KAT7: variants seen among roughly 807,000 people sequenced by gnomAD.
KAT7 encodes lysine acetyltransferase 7, also known as histone acetyltransferase KAT7.
A neutral mutation model predicts 82.1 loss-of-function variants in KAT7; 10 were observed. The ratio of observed to expected loss-of-function variants is 0.12; its 90% CI spans 0.08 to 0.21. KAT7 has a LOEUF of 0.21. Ranked by LOEUF, KAT7 falls within the 10% of genes least tolerant of loss-of-function variation. The probability of loss-of-function intolerance (pLI) is 1.00; values close to 1 mark genes in which losing one functional copy is unlikely to be tolerated. For missense variants in KAT7, 378 were observed against 760.9 expected, an observed-to-expected ratio of 0.50 and a Z score of 5.92; for synonymous variants, 250 against 262.5, an observed-to-expected ratio of 0.95 and a Z score of 0.46.
intron 4 of KAT7, among the ~76,000 whole-genome samples, chr17:49,799,300 T>C (rs1255255742): frequency 6.6e-6 from 1 of 152,180 alleles, no homozygotes; most frequent in Non-Finnish European, 1.5e-5. Context: ...CCTTTGCATG[T>C]GGCTATCAAG....
chr17:49,816,170 G>A (rs1411503026), intron 8 of KAT7, among the ~76,000 whole-genome samples: 3 of 152,140 alleles, frequency 2.0e-5, no homozygotes, highest in South Asian at 2.1e-4. Context: ...TAGAGCTGAT[G>A]AGGCTGGATA....
intron 4 of KAT7, among the ~76,000 whole-genome samples, chr17:49,803,751 C>A (rs1005836038): frequency 6.6e-6 from 1 of 152,192 alleles, no homozygotes; most frequent in Admixed American, 6.5e-5. Context: ...TAATACAGTC[C>A]CGGAGAAATG....
rs146789324 is a variant in KAT7 at position 49,827,558 on chromosome 17, GA to G, written c.*57del. 2.4e-4 allele frequency: 242 copies of G among 990,112 alleles called. 1 individual carries two copies. The highest frequency in any genetic ancestry group is 2.7e-4 in the Non-Finnish European group (165 of 618,190). 61.3% of individuals were successfully genotyped at this position (990,112 alleles called of 1,614,324 possible). A position where few individuals can be genotyped will look rare whatever the true frequency, so the allele number is the denominator to read the frequency against. On this transcript the variant is annotated 3_prime_UTR_variant, in exon 15 of 15. Transcript: ENST00000259021. ...CAGCAGTAGGAATCCGTACCCTAGG[GA>G]TCTGTCTGTCATTTCTCTGTTGCTC...
chr17:49,802,000 C>T (rs2143883393), intron 4 of KAT7, among the ~76,000 whole-genome samples: 1 of 152,286 alleles, frequency 6.6e-6, no homozygotes, highest in South Asian at 2.1e-4. Flanking sequence ...CGTATATGTA[C>T]ACATATTTCC....
chr17:49,827,737 G>A lies in KAT7; in HGVS notation c.*235G>A. The A allele has an allele frequency of 1.8e-6, 1 of 549,360 alleles. No individual in the cohort carries two copies. The highest frequency in any genetic ancestry group is 3.3e-6 in the Non-Finnish European group (1 of 307,316). 34.0% of individuals were successfully genotyped at this position (549,360 alleles called of 1,614,324 possible). A position where few individuals can be genotyped will look rare whatever the true frequency, so the allele number is the denominator to read the frequency against. The stretch of plus-strand genomic sequence containing the variant: ...TGGATGGGATCTGTATTAGACTTGA[G>A]TGCAGGTCTCTCAGCACTGACCCAA... On this transcript the variant is annotated 3_prime_UTR_variant, in exon 15 of 15. Transcript: ENST00000259021.
chr17:49,803,525 C>T (rs903714723), intron 4 of KAT7, among the ~76,000 whole-genome samples: 1 of 152,058 alleles, frequency 6.6e-6, no homozygotes, highest in South Asian at 2.1e-4. Context: ...CCCGGGTTCA[C>T]ACCATTCTCC....
chr17:49,817,693 C>T, intron 8 of KAT7, 127 bp from the exon 9 acceptor site: 1 of 668,792 alleles, frequency 1.5e-6, no homozygotes. Flanking sequence ...TCTCGAACTC[C>T]TGGCCTTAAG....
At chr17:49,808,996 G>C in intron 5 of KAT7, 123 bp from the exon 6 acceptor site, 1 of 679,908 alleles carries the variant, frequency 1.5e-6, no homozygotes, top group Admixed American at 2.6e-5. Context: ...GTGACAATAA[G>C]TGTGAAGACC....
chr17:49,792,276 C>T (rs760134297), intron 2 of KAT7, among the ~76,000 whole-genome samples: 3 of 152,086 alleles, frequency 2.0e-5, no homozygotes, highest in Non-Finnish European at 4.4e-5. Flanking sequence ...TAGAGACACA[C>T]GTATGTCTTG....
Position 49,791,823 on chromosome 17 carries a change from A to G in KAT7, c.16-63A>G, listed in dbSNP as rs571110886. On this transcript the variant is annotated intron_variant, in intron 1 of 14. Transcript: ENST00000259021. ...AGTGTCACAGCTTGTTTTATTTTCA[A>G]TGTTAATGCAAACTCTCAGACCAAA... is the stretch of plus-strand genomic sequence containing the variant. The G allele has an allele frequency of 4.5e-5, 68 of 1,521,566 alleles. 1 individual carries two copies. In the Middle Eastern group the frequency reaches 1.6e-3, roughly 37 times the overall value. The allele number at this position is 1,521,566 out of a possible 1,614,324, so 94.3% of individuals were successfully genotyped here.
intron 2 of KAT7, chr17:49,795,606 T>C (rs1337590209): frequency 1.2e-5 from 3 of 242,864 alleles, no homozygotes; most frequent in Admixed American, 4.1e-5. Context: ...TACCGAGTGC[T>C]AACATGGATG....
chr17:49,798,285 C>T (rs1352565709), intron 3 of KAT7, 34 bp from the exon 4 acceptor site: 4 of 1,599,520 alleles, frequency 2.5e-6, no homozygotes, highest in Non-Finnish European at 3.4e-6. Context: ...AAATGAACTC[C>T]ACTCATAACT....
At chr17:49,796,097 T>C (rs1028111795) in intron 2 of KAT7, among the ~76,000 whole-genome samples, 1 of 152,212 alleles carries the variant, frequency 6.6e-6, no homozygotes, top group African/African-American at 2.4e-5. Flanking sequence ...ATAAAAGGGC[T>C]GCTGAGTGCC....
rs2074439501 is a variant in KAT7 at position 49,833,382 on chromosome 17, T to C, written c.*5880T>C. On this transcript the variant is annotated 3_prime_UTR_variant, in exon 15 of 15. Transcript: ENST00000259021. Reference sequence around the variant, plus strand: ...AAGTTATCAGAAACCTACACTCTTATCTCACAAATTTAGAGGTGTGGTAGA... The same window carrying C: ...AAGTTATCAGAAACCTACACTCTTACCTCACAAATTTAGAGGTGTGGTAGA... The C allele has an allele frequency of 1.3e-5, 2 of 152,228 alleles. No individual in the cohort carries two copies. Among genetic ancestry groups the C allele is most frequent in the African/African-American group, 2.4e-5 (1 of 41,464 alleles). 9.4% of individuals were successfully genotyped at this position (152,228 alleles called of 1,614,324 possible). A position where few individuals can be genotyped will look rare whatever the true frequency, so the allele number is the denominator to read the frequency against.
rs2074432955 is a variant in KAT7, at chr17:49,832,554, G to A, written c.*5052G>A. The A allele has an allele frequency of 6.6e-6, 1 of 152,190 alleles. No homozygotes were observed. Among genetic ancestry groups the A allele is most frequent in the South Asian group, 2.1e-4 (1 of 4,830 alleles). 9.4% of individuals were successfully genotyped at this position (152,190 alleles called of 1,614,324 possible). ...CCGTTGAAGTCCATTCTTGGACATG[G>A]AGTTAAGAAACCCTGGTTTGAGAAA... On this transcript the variant is annotated 3_prime_UTR_variant, in exon 15 of 15. Transcript: ENST00000259021.
rs896093981 is a variant in KAT7, at chr17:49,788,706, C to T, written c.-129C>T. The T allele has an allele frequency of 7.1e-6, 7 of 992,854 alleles. No homozygotes were observed. In the African/African-American group the frequency reaches 8.5e-5, roughly 12 times the overall value. The allele number at this position is 992,854 out of a possible 1,614,324, so 61.5% of individuals were successfully genotyped here. A position where few individuals can be genotyped will look rare whatever the true frequency, so the allele number is the denominator to read the frequency against. ...GCAGAACGCTCCAGACGCTGAGAGG[C>T]AGGAGGCACTAGGGATCGTCCGCAG... On this transcript the variant is annotated 5_prime_UTR_variant, in exon 1 of 15. Coordinates refer to ENST00000259021, the MANE Select transcript of KAT7 (RefSeq NM_007067.5).
intron 1 of KAT7, among the ~76,000 whole-genome samples, chr17:49,791,522 G>A (rs1287234794): frequency 6.6e-6 from 1 of 152,176 alleles, no homozygotes; most frequent in African/African-American, 2.4e-5. Context: ...GCTGGGCATG[G>A]TGGCGGGCGC....
intron 8 of KAT7, among the ~76,000 whole-genome samples, chr17:49,817,446 G>T (rs2074247902): frequency 6.6e-6 from 1 of 152,052 alleles, no homozygotes; most frequent in Non-Finnish European, 1.5e-5. Flanking sequence ...TAGCGTGGTG[G>T]CATGCACACA....
chr17:49,790,422 C>T (rs2143829044), intron 1 of KAT7, among the ~76,000 whole-genome samples: 1 of 152,288 alleles, frequency 6.6e-6, no homozygotes, highest in East Asian at 1.9e-4. Context: ...GTTTCGAACT[C>T]CTGACCTCAG....
Sources: gnomAD v4.1 joint callset for allele counts (sites outside exome capture counted in the v4.1 genomes callset) on GRCh38, gnomAD v4.1.1 for gene constraint, MANE v1.5 for transcripts, NCBI Gene and HGNC (gene_info 2026-07-23, HGNC 2026-07-21) for gene names.